Variants in SYT1 observed in about 807,000 individuals in gnomAD.
SYT1 encodes the protein synaptotagmin-1.
A neutral mutation model predicts 44.8 loss-of-function variants in SYT1; 8 were observed. That is an observed-to-expected ratio of 0.18 (90% confidence interval 0.10 to 0.32). The LOEUF is 0.32. Among genes scored for constraint, SYT1 ranks in the 10% least tolerant of loss-of-function variants. SYT1 has a pLI of 1.00. For missense variants in SYT1, 286 were observed against 509.3 expected, an observed-to-expected ratio of 0.56 and a Z score of 4.22; for synonymous variants, 154 against 188.8, an observed-to-expected ratio of 0.82 and a Z score of 1.51.
intron 1 of SYT1, among the ~76,000 whole-genome samples, chr12:78,937,228 T>C (rs1878111497): frequency 1.3e-5 from 2 of 152,234 alleles, no homozygotes; most frequent in East Asian, 1.9e-4. Flanking sequence ...AACTTTTTTT[T>C]CGAGGTCCTG....
chr12:79,157,519 C>T (rs1318323544), intron 3 of SYT1, among the ~76,000 whole-genome samples: 4 of 152,128 alleles, frequency 2.6e-5, no homozygotes, highest in African/African-American at 4.8e-5. Flanking sequence ...AAGAACCTGA[C>T]AAAAATAATG....
intron 9 of SYT1, among the ~76,000 whole-genome samples, chr12:79,409,971 CT>C (rs1459427552): frequency 6.6e-6 from 1 of 151,964 alleles, no homozygotes; most frequent in African/African-American, 2.4e-5. Context: ...ATGTCTTACA[CT>C]TTTGGGGGTG....
intron 1 of SYT1, among the ~76,000 whole-genome samples, chr12:78,883,864 A>G (rs931409403): frequency 6.6e-6 from 1 of 151,678 alleles, no homozygotes; most frequent in Non-Finnish European, 1.5e-5. Flanking sequence ...CTGTAAATAT[A>G]TTCAATGTAT....
At chr12:79,145,108 C>T (rs781653881) in intron 3 of SYT1, among the ~76,000 whole-genome samples, 9 of 152,176 alleles carry the variant, frequency 5.9e-5, no homozygotes, top group Non-Finnish European at 1.3e-4. Flanking sequence ...CTAGATAATG[C>T]ATATAAAAGT....
At chr12:78,996,275 A>C (rs1870376651) in intron 2 of SYT1, among the ~76,000 whole-genome samples, 1 of 152,234 alleles carries the variant, frequency 6.6e-6, no homozygotes, top group South Asian at 2.1e-4. Context: ...TCTCAAGAGA[A>C]TCCCTTGATC....
At chr12:79,104,507 G>A (rs60367341) in intron 3 of SYT1, among the ~76,000 whole-genome samples, 50 of 152,146 alleles carry the variant, frequency 3.3e-4, no homozygotes, top group African/African-American at 1.2e-3. Context: ...AAGTCCTGAT[G>A]TTTCATCAGG....
chr12:79,007,626 G>C (rs769930763), intron 2 of SYT1, among the ~76,000 whole-genome samples: 1 of 151,952 alleles, frequency 6.6e-6, no homozygotes, highest in Non-Finnish European at 1.5e-5. Context: ...GTTAGTGAAC[G>C]GTTAATTTGG....
At chr12:79,348,027 G>T (rs1440173849) in intron 8 of SYT1, among the ~76,000 whole-genome samples, 1 of 152,158 alleles carries the variant, frequency 6.6e-6, no homozygotes, top group East Asian at 1.9e-4. Flanking sequence ...ATAGAAGTGT[G>T]TTTGGCATGT....
intron 9 of SYT1, among the ~76,000 whole-genome samples, chr12:79,442,833 A>T (rs1223829501): frequency 1.3e-5 from 2 of 152,164 alleles, no homozygotes; most frequent in African/African-American, 2.4e-5. Flanking sequence ...TCCGAGAGAG[A>T]GGAAAGAAAA....
intron 3 of SYT1, among the ~76,000 whole-genome samples, chr12:79,086,596 G>A (rs1054015789): frequency 4.6e-5 from 7 of 152,152 alleles, no homozygotes; most frequent in African/African-American, 1.7e-4. Context: ...AAGCATCATG[G>A]TTACTGCCTT....
intron 2 of SYT1, chr12:79,036,702 C>T (rs1873157935): frequency 6.6e-6 from 1 of 151,926 alleles, no homozygotes; most frequent in Non-Finnish European, 1.5e-5. Flanking sequence ...ATTAAAGCCC[C>T]TTTCAGTGGT....
At chr12:79,138,483 A>G (rs1869341588) in intron 3 of SYT1, among the ~76,000 whole-genome samples, 1 of 152,206 alleles carries the variant, frequency 6.6e-6, no homozygotes, top group Non-Finnish European at 1.5e-5. Flanking sequence ...GTACTATCTT[A>G]ATTCATAAAT....
intron 9 of SYT1, among the ~76,000 whole-genome samples, chr12:79,408,269 C>G (rs1444467246): frequency 1.3e-5 from 2 of 152,116 alleles, no homozygotes; most frequent in Non-Finnish European, 2.9e-5. Context: ...GATCCCAGAC[C>G]TTGCTGAATT....
intron 6 of SYT1, among the ~76,000 whole-genome samples, chr12:79,294,220 C>T (rs770689541): frequency 2.0e-5 from 3 of 151,898 alleles, no homozygotes; most frequent in Non-Finnish European, 4.4e-5. Context: ...TAAATAATAA[C>T]ACTGAGAATT....
At chr12:79,212,161 C>T (rs2138539474) in intron 3 of SYT1, among the ~76,000 whole-genome samples, 1 of 152,162 alleles carries the variant, frequency 6.6e-6, no homozygotes, top group South Asian at 2.1e-4. Context: ...CACATATACA[C>T]CATGGAATAC....
chr12:79,405,612 A>G (rs758005657), intron 9 of SYT1, among the ~76,000 whole-genome samples: 12 of 152,168 alleles, frequency 7.9e-5, no homozygotes, highest in Non-Finnish European at 1.6e-4. Context: ...AGCAATATCT[A>G]TTTCAGTTAA....
At chr12:79,439,840 A>G (rs1386588915) in intron 9 of SYT1, among the ~76,000 whole-genome samples, 1 of 152,046 alleles carries the variant, frequency 6.6e-6, no homozygotes, top group East Asian at 1.9e-4. Context: ...GTACTTGTAA[A>G]CACTGTACTA....
At chr12:79,105,773 G>A (rs973841722) in intron 3 of SYT1, among the ~76,000 whole-genome samples, 1 of 151,942 alleles carries the variant, frequency 6.6e-6, no homozygotes, top group African/African-American at 2.4e-5. Flanking sequence ...CCAGCTACTC[G>A]GGAGGCTGAG....
At chr12:79,101,633 T>C (rs1878450853) in intron 3 of SYT1, among the ~76,000 whole-genome samples, 1 of 152,172 alleles carries the variant, frequency 6.6e-6, no homozygotes, top group South Asian at 2.1e-4. Context: ...ATTTCCTCAA[T>C]AAATAAGCTT....
Sources: gnomAD v4.1 joint callset for allele counts (sites outside exome capture counted in the v4.1 genomes callset) on GRCh38, gnomAD v4.1.1 for gene constraint, MANE v1.5 for transcripts, NCBI Gene and HGNC (gene_info 2026-07-23, HGNC 2026-07-21) for gene names.